NRG3: variants seen among roughly 807,000 people sequenced by gnomAD.
NRG3 encodes neuregulin 3.
NRG3 carries 31 observed loss-of-function variants against 66.9 expected under a neutral mutation model. The ratio of observed to expected loss-of-function variants is 0.46; its 90% CI spans 0.35 to 0.63. The LOEUF (loss-of-function observed/expected upper bound fraction) is 0.63. Among genes scored for constraint, NRG3 ranks in the 20% least tolerant of loss-of-function variants. The pLI, the probability that NRG3 is intolerant of heterozygous loss-of-function variation, is 0.00. For synonymous variants in NRG3, 393 were observed against 359.4 expected (o/e 1.09, Z -1.06); for missense variants, 910 against 878.9 (o/e 1.04, Z -0.45).
chr10:82,384,190 A>T (rs1038394869), intron 2 of NRG3, among the ~76,000 whole-genome samples: 2 of 152,138 alleles, frequency 1.3e-5, no homozygotes, highest in African/African-American at 4.8e-5. Flanking sequence ...TCTCCATTTG[A>T]AAAATGTCTT....
intron 2 of NRG3, among the ~76,000 whole-genome samples, chr10:82,628,309 AT>A (rs1267860077): frequency 6.6e-6 from 1 of 152,074 alleles, no homozygotes; most frequent in Non-Finnish European, 1.5e-5. Context: ...AGGAGACGTT[AT>A]TTTTTTAATC....
chr10:82,463,674 C>G (rs1367444095), intron 2 of NRG3, among the ~76,000 whole-genome samples: 1 of 152,192 alleles, frequency 6.6e-6, no homozygotes, highest in East Asian at 1.9e-4. Context: ...CAGAACATGT[C>G]AAGGCTGGAT....
At chr10:82,550,522 A>G (rs2044236078) in intron 2 of NRG3, among the ~76,000 whole-genome samples, 1 of 152,168 alleles carries the variant, frequency 6.6e-6, no homozygotes, top group Non-Finnish European at 1.5e-5. Flanking sequence ...GACTTGGGTT[A>G]TGACATAGGG....
chr10:82,042,368 A>AG (rs1190074304), intron 1 of NRG3, among the ~76,000 whole-genome samples: 6 of 152,070 alleles, frequency 3.9e-5, no homozygotes, highest in African/African-American at 1.4e-4. Flanking sequence ...GCATATACAT[A>AG]GATTTTCAAC....
chr10:82,586,888 A>T (rs1047395411), intron 2 of NRG3, among the ~76,000 whole-genome samples: 1 of 152,130 alleles, frequency 6.6e-6, no homozygotes, highest in Non-Finnish European at 1.5e-5. Context: ...GAGGAAATGG[A>T]TTGGATAATT....
chr10:82,468,787 T>C (rs1840941723), intron 2 of NRG3, among the ~76,000 whole-genome samples: 1 of 152,158 alleles, frequency 6.6e-6, no homozygotes, highest in Non-Finnish European at 1.5e-5. Context: ...ATATTCTGAT[T>C]TGATTCCTGT....
intron 2 of NRG3, among the ~76,000 whole-genome samples, chr10:82,724,866 G>C (rs929957585): frequency 2.0e-5 from 3 of 152,114 alleles, no homozygotes; most frequent in Admixed American, 2.0e-4. Flanking sequence ...TTATCTCCCA[G>C]ATTTATTTTC....
intron 2 of NRG3, among the ~76,000 whole-genome samples, chr10:82,443,826 C>G (rs1022869070): frequency 2.0e-5 from 3 of 152,082 alleles, no homozygotes; most frequent in African/African-American, 7.2e-5. Flanking sequence ...GTCTTCAAAC[C>G]CTGGAAACTC....
chr10:82,523,677 A>G (rs996088809), intron 2 of NRG3, among the ~76,000 whole-genome samples: 1 of 152,084 alleles, frequency 6.6e-6, no homozygotes, highest in South Asian at 2.1e-4. Context: ...TGTGGGTAGC[A>G]TTCTGCACTT....
chr10:82,011,715 C>G (rs1417473508), intron 1 of NRG3, among the ~76,000 whole-genome samples: 2 of 152,178 alleles, frequency 1.3e-5, no homozygotes, highest in Non-Finnish European at 2.9e-5. Flanking sequence ...CCATGCAAGT[C>G]TGAAATCCAG....
Position 82,116,808 on chromosome 10 carries a change from G to T in NRG3, c.823+240645G>T, listed in dbSNP as rs141496623. 2.5e-3 allele frequency among the ~76,000 whole-genome samples: 386 copies of T among 152,192 alleles called. 4 individuals are homozygous for T. The highest frequency in any genetic ancestry group is 8.8e-3 in the African/African-American group (367 of 41,544). ...GTCCATCTCCCTCATCTTCCTGCCC[G>T]ATTTATAGAAGAAAGATTTGAGGAG... is the stretch of plus-strand genomic sequence containing the variant. On this transcript the variant is annotated intron_variant, in intron 1 of 8. Transcript: ENST00000372141.
chr10:82,334,481 G>T (rs1426688917), intron 1 of NRG3, among the ~76,000 whole-genome samples: 1 of 152,196 alleles, frequency 6.6e-6, no homozygotes, highest in East Asian at 1.9e-4. Flanking sequence ...AATAGCTCTA[G>T]AAGACAATGT....
At chr10:82,950,282 C>A (rs1230475470) in intron 4 of NRG3, among the ~76,000 whole-genome samples, 1 of 151,986 alleles carries the variant, frequency 6.6e-6, no homozygotes, top group African/African-American at 2.4e-5. Context: ...GGGAAATTTC[C>A]TCTAAATTGG....
At chr10:82,751,408 T>C (rs1316199477) in intron 3 of NRG3, among the ~76,000 whole-genome samples, 3 of 152,178 alleles carry the variant, frequency 2.0e-5, no homozygotes, top group Admixed American at 1.3e-4. Flanking sequence ...TTTTTAAATA[T>C]TGGGCATAAC....
chr10:82,141,169 G>C (rs1003011487), intron 1 of NRG3, among the ~76,000 whole-genome samples: 3 of 152,114 alleles, frequency 2.0e-5, no homozygotes, highest in African/African-American at 4.8e-5. Context: ...AGACATTACT[G>C]TATTTCTATC....
intron 3 of NRG3, among the ~76,000 whole-genome samples, chr10:82,833,204 G>T (rs1546157): frequency 0.28 from 42,539 of 151,946 alleles, 6,836 homozygotes; most frequent in African/African-American, 0.44. Flanking sequence ...TATATGGACT[G>T]TTGCTAGGCA....
chr10:82,479,239 G>A (rs914614451), intron 2 of NRG3, among the ~76,000 whole-genome samples: 6 of 152,052 alleles, frequency 3.9e-5, no homozygotes, highest in Non-Finnish European at 8.8e-5. Context: ...TTCTTTGTCT[G>A]AAATATAGGA....
At chr10:82,481,249 T>G (rs1842241761) in intron 2 of NRG3, among the ~76,000 whole-genome samples, 1 of 152,236 alleles carries the variant, frequency 6.6e-6, no homozygotes, top group Non-Finnish European at 1.5e-5. Flanking sequence ...CCATTGGATT[T>G]ACTCTTTCTA....
At chr10:82,446,569 A>G (rs911409263) in intron 2 of NRG3, among the ~76,000 whole-genome samples, 1 of 152,186 alleles carries the variant, frequency 6.6e-6, no homozygotes, top group Non-Finnish European at 1.5e-5. Flanking sequence ...CTCACTTATA[A>G]GTGGGAGCTG....
Sources: allele counts gnomAD v4.1 joint callset (sites outside exome capture counted in the v4.1 genomes callset), GRCh38; gene constraint gnomAD v4.1.1; transcripts MANE v1.5; gene names NCBI Gene and HGNC (gene_info 2026-07-23, HGNC 2026-07-21).